Variants in GAB2 observed in about 807,000 individuals in gnomAD.
GAB2 encodes the protein GRB2-associated-binding protein 2.
In GAB2, 26 loss-of-function variants were observed where a neutral mutation model predicts 65.5. The observed-to-expected ratio is 0.40, with a 90% CI of 0.29 to 0.55. The LOEUF is 0.55. Among genes scored for constraint, GAB2 ranks in the 20% least tolerant of loss-of-function variants. The probability of loss-of-function intolerance (pLI) is 0.53; values close to 1 mark genes in which losing one functional copy is unlikely to be tolerated. For missense variants in GAB2, 884 were observed against 875.8 expected (o/e 1.01, Z -0.12); for synonymous variants, 321 against 329.6 (o/e 0.97, Z 0.28).
chr11:78,267,715 G>A (rs771660152), intron 2 of GAB2, among the ~76,000 whole-genome samples: 5 of 151,756 alleles, frequency 3.3e-5, no homozygotes, highest in African/African-American at 7.3e-5. Context: ...AAAATTAGCC[G>A]GGTGCAGTGG....
intron 5 of GAB2, 97 bp from the exon 6 acceptor site, chr11:78,223,773 TG>T: frequency 9.7e-7 from 1 of 1,027,496 alleles, no homozygotes; most frequent in Middle Eastern, 2.2e-4. Flanking sequence ...AAGTCATGAC[TG>T]GGTTAGCTAT....
intron 2 of GAB2, among the ~76,000 whole-genome samples, chr11:78,271,225 G>T (rs1049561765): frequency 6.6e-6 from 1 of 152,216 alleles, no homozygotes; most frequent in African/African-American, 2.4e-5. Flanking sequence ...GTGAGGACTT[G>T]GATCCGCCTG....
intron 1 of GAB2, among the ~76,000 whole-genome samples, chr11:78,317,944 A>G (rs1045582186): frequency 2.0e-5 from 3 of 152,172 alleles, no homozygotes; most frequent in Non-Finnish European, 4.4e-5. Flanking sequence ...AAGAACTTAC[A>G]AACAACCTGG....
chr11:78,350,567 A>G (rs904582478), intron 1 of GAB2, among the ~76,000 whole-genome samples: 2 of 152,218 alleles, frequency 1.3e-5, no homozygotes, highest in Non-Finnish European at 2.9e-5. Flanking sequence ...TCATTGTTAC[A>G]CTATAAATTA....
intron 1 of GAB2, among the ~76,000 whole-genome samples, chr11:78,342,078 G>A (rs945783255): frequency 2.6e-5 from 4 of 152,186 alleles, no homozygotes; most frequent in Non-Finnish European, 5.9e-5. Context: ...TTGATGCACA[G>A]CAGAAATAAA....
chr11:78,318,369 C>CAAAAAAAAAAAAAAAGAAAAAAA (rs1855654898), intron 1 of GAB2: 1 of 47,676 alleles, frequency 2.1e-5, no homozygotes. Flanking sequence ...TGTTAAATGC[C>CAAAAAAAAAAAAAAAGAAAAAAA]AAAAAAAAAA....
chr11:78,354,962 A>G (rs1478336647), intron 1 of GAB2, among the ~76,000 whole-genome samples: 2 of 152,264 alleles, frequency 1.3e-5, no homozygotes, highest in African/African-American at 4.8e-5. Context: ...GGAGAGAAGA[A>G]AAGGACTCCA....
intron 2 of GAB2, among the ~76,000 whole-genome samples, chr11:78,265,203 C>CACATATATATATATATATATAT (rs1554980506): frequency 1.4e-5 from 2 of 144,842 alleles, no homozygotes; most frequent in Non-Finnish European, 3.0e-5. Context: ...TTCTATACCA[C>CACATATATATATATATATATAT]ATATATATAT....
chr11:78,297,841 A>T (rs571090087), intron 1 of GAB2, among the ~76,000 whole-genome samples: 2 of 152,124 alleles, frequency 1.3e-5, no homozygotes, highest in Non-Finnish European at 2.9e-5. Flanking sequence ...TATGTACACA[A>T]ACATACATAC....
chr11:78,381,692 A>T (rs1265869636), intron 1 of GAB2, among the ~76,000 whole-genome samples: 3 of 151,954 alleles, frequency 2.0e-5, no homozygotes, highest in Non-Finnish European at 4.4e-5. Context: ...AAAAGGTTCC[A>T]TGTTTGAGCA....
intron 1 of GAB2, among the ~76,000 whole-genome samples, chr11:78,325,518 ATGACAAAGATC>A (rs1855806336): frequency 6.6e-6 from 1 of 152,198 alleles, no homozygotes; most frequent in Non-Finnish European, 1.5e-5. Flanking sequence ...CAACACCGGA[ATGACAAAGATC>A]CCTAAGCAAG....
At chr11:78,395,664 T>A (rs1231145222) in intron 1 of GAB2, among the ~76,000 whole-genome samples, 1 of 152,192 alleles carries the variant, frequency 6.6e-6, no homozygotes, top group African/African-American at 2.4e-5. Context: ...GACAGAGCAG[T>A]TGGGAGTTCT....
At chr11:78,300,593 G>T (rs371084884) in intron 1 of GAB2, among the ~76,000 whole-genome samples, 2 of 149,474 alleles carry the variant, frequency 1.3e-5, no homozygotes, top group African/African-American at 4.9e-5. Flanking sequence ...TATCAACAAC[G>T]TATGAGAATT....
intron 1 of GAB2, among the ~76,000 whole-genome samples, chr11:78,381,380 G>A (rs1456725130): frequency 1.3e-5 from 2 of 152,188 alleles, no homozygotes; most frequent in Non-Finnish European, 2.9e-5. Flanking sequence ...TGGTCAAGCA[G>A]TATTTATCTG....
intron 2 of GAB2, among the ~76,000 whole-genome samples, chr11:78,268,755 G>T (rs1213847627): frequency 6.7e-6 from 1 of 149,188 alleles, no homozygotes; most frequent in East Asian, 1.9e-4. Context: ...AAAAAAAAAG[G>T]CAGAAATAAG....
chr11:78,283,884 C>CTT lies in GAB2; in HGVS notation c.76-2985_76-2984dup, dbSNP rs373850469. On this transcript the variant is annotated intron_variant, in intron 1 of 9. Coordinates refer to ENST00000361507, the MANE Select transcript of GAB2 (RefSeq NM_080491.3). ...TGCCCCAATGCTCAGTTCTGAGATTCTTTTTTTTTTTTCTACACCCACTCT... is the reference window on the plus strand; with the variant it reads ...TGCCCCAATGCTCAGTTCTGAGATTCTTTTTTTTTTTTTTCTACACCCACTCT... Among the ~76,000 whole-genome samples, 5 of 146,472 alleles carry CTT rather than the reference C, an allele frequency of 3.4e-5. No homozygotes were observed. In the East Asian group the frequency reaches 9.8e-4, roughly 29 times the overall value.
chr11:78,295,055 C>T (rs1591009909), intron 1 of GAB2, among the ~76,000 whole-genome samples: 1 of 152,110 alleles, frequency 6.6e-6, no homozygotes, highest in South Asian at 2.1e-4. Flanking sequence ...AAAAAACAAC[C>T]CCATCAAAAA....
chr11:78,352,663 A>C (rs1428821281), intron 1 of GAB2, among the ~76,000 whole-genome samples: 1 of 152,140 alleles, frequency 6.6e-6, no homozygotes, highest in Non-Finnish European at 1.5e-5. Flanking sequence ...CAATTATACA[A>C]ATCCCATTCC....
chr11:78,248,654 A>G (rs769624581), intron 3 of GAB2, among the ~76,000 whole-genome samples: 15 of 152,234 alleles, frequency 9.9e-5, no homozygotes, highest in Non-Finnish European at 2.1e-4. Flanking sequence ...CTACTATTTT[A>G]TGTATGTTTT....
Sources: gnomAD v4.1 joint callset for allele counts (sites outside exome capture counted in the v4.1 genomes callset) on GRCh38, gnomAD v4.1.1 for gene constraint, MANE v1.5 for transcripts, NCBI Gene and HGNC (gene_info 2026-07-23, HGNC 2026-07-21) for gene names.